Variants in MKS1 observed in about 807,000 individuals in gnomAD.
The protein encoded by MKS1 is tectonic-like complex member MKS1.
In MKS1, 70 loss-of-function variants were observed where a neutral mutation model predicts 83.7. The ratio of observed to expected loss-of-function variants is 0.84; its 90% CI spans 0.69 to 1.02. MKS1 has a LOEUF of 1.02. MKS1 is among the 50% of genes least tolerant of loss of function. The probability of loss-of-function intolerance (pLI) is 0.00; values close to 1 mark genes in which losing one functional copy is unlikely to be tolerated. For synonymous variants in MKS1, 251 were observed against 273.4 expected (o/e 0.92, Z 0.81); for missense variants, 681 against 726.9 (o/e 0.94, Z 0.73).
At chr17:58,217,173 G>C (rs898875196) in intron 2 of MKS1, among the ~76,000 whole-genome samples, 3 of 152,208 alleles carry the variant, frequency 2.0e-5, no homozygotes, top group Admixed American at 1.3e-4. Context: ...ATTATCAGTA[G>C]AGATGGAGTT....
chr17:58,211,729 ATTT>A, intron 9 of MKS1, among the ~76,000 whole-genome samples: 1 of 137,246 alleles, frequency 7.3e-6, no homozygotes, highest in Non-Finnish European at 1.5e-5. Flanking sequence ...TGCCTTGCTA[ATTT>A]TTTTTTTTTT....
rs1327805521 is a variant in MKS1, at chr17:58,207,903, C to T, written c.1264G>A (p.Ala422Thr). The T allele has an allele frequency of 1.2e-6, 2 of 1,613,882 alleles. No individual in the cohort carries two copies. Among genetic ancestry groups the T allele is most frequent in the Non-Finnish European group, 8.5e-7 (1 of 1,179,842 alleles). ...VEGYGAVVLP[A>T]TPGSHTLTVS... ...AGAGACGAGCGGTTACCTGGAGTGG[C>T]AGGCAGCACCACAGCCCCATAGCCT... The change falls in exon 14 of 18, where the codon GCC (alanine) becomes ACC (threonine). Residue 422 changes from alanine to threonine, a missense_variant. Physicochemically the swap from Ala to Thr is moderately conservative, Grantham distance 58. Coordinates refer to ENST00000393119, the MANE Select transcript of MKS1 (RefSeq NM_017777.4).
chr17:58,215,749 T>C (rs1254810555), intron 4 of MKS1: 2 of 348,432 alleles, frequency 5.7e-6, no homozygotes, highest in Admixed American at 3.9e-5. Context: ...TTTATCTATA[T>C]TGTTCCAGAC....
At chr17:58,207,451 T>C in intron 14 of MKS1, 1 of 606,176 alleles carries the variant, frequency 1.6e-6, no homozygotes, top group Non-Finnish European at 2.9e-6. Flanking sequence ...ACAGGTTTCT[T>C]AACCTCTCTG....
intron 6 of MKS1, 91 bp from the exon 7 acceptor site, chr17:58,213,960 G>A (rs1969036849): frequency 6.1e-6 from 7 of 1,149,088 alleles, no homozygotes; most frequent in Non-Finnish European, 9.1e-6. Flanking sequence ...AGAGAACAGA[G>A]GCTATAGGGA....
chr17:58,210,616 G>T, intron 11 of MKS1, 43 bp downstream of exon 11: 1 of 1,562,160 alleles, frequency 6.4e-7, no homozygotes, highest in South Asian at 1.1e-5. Context: ...CTCTAGATCT[G>T]TCTGAATGGG....
intron 4 of MKS1, 183 bp from the exon 5 acceptor site, chr17:58,215,021 C>A: frequency 1.2e-6 from 1 of 868,898 alleles, no homozygotes. Flanking sequence ...AGATTTCTAC[C>A]ACATCATGGT....
intron 5 of MKS1, 125 bp from the exon 6 acceptor site, chr17:58,214,512 C>T (rs967910607): frequency 6.1e-6 from 9 of 1,466,706 alleles, no homozygotes; most frequent in South Asian, 1.2e-5. Context: ...TTTTAAGAGC[C>T]AAAATATTTG....
Position 58,207,070 on chromosome 17 carries a change from A to G in MKS1, c.1407+15T>C. On this transcript the variant is annotated intron_variant, in intron 15 of 17. Transcript: ENST00000393119. ...TAAGTTCTCAGCGTGAAGTCACTCC[A>G]AAGACAAAAGTCACCTTGAAGGATC... is the stretch of plus-strand genomic sequence containing the variant. 6.2e-7 allele frequency: 1 copy of G among 1,614,206 alleles called. No homozygotes were observed. Among genetic ancestry groups the G allele is most frequent in the Non-Finnish European group, 8.5e-7 (1 of 1,180,026 alleles).
chr17:58,214,916 T>A, intron 4 of MKS1, 78 bp from the exon 5 acceptor site: 1 of 1,532,228 alleles, frequency 6.5e-7, no homozygotes, highest in Non-Finnish European at 8.7e-7. Flanking sequence ...GAAGTCTTCC[T>A]CCTGAAACCT....
At chr17:58,207,722 C>T in intron 14 of MKS1, 172 bp downstream of exon 14, 2 of 700,390 alleles carry the variant, frequency 2.9e-6, no homozygotes, top group South Asian at 1.6e-5. Flanking sequence ...AAGGCCACGT[C>T]ATTGTCGCTA....
chr17:58,212,995 C>A lies in MKS1; in HGVS notation c.845G>T (p.Arg282Leu). 5 of 1,614,120 alleles carry A rather than the reference C, an allele frequency of 3.1e-6. No individual in the cohort carries two copies. The highest frequency in any genetic ancestry group is 1.3e-5 in the African/African-American group (1 of 75,026). The change falls in exon 8 of 18, where the codon CGA becomes CTA. Residue 282 changes from arginine (R) to leucine (L), a missense_variant. Around this residue, in one of 3 missense-constraint regions of MKS1, gnomAD observed 365 missense variants for 383.8 expected, o/e 0.95. Coordinates refer to ENST00000393119, the MANE Select transcript of MKS1 (RefSeq NM_017777.4). ...ACTTGCGCTTACATCCTTGAACACT[C>A]GCCGTTCCCGCTCCTCCTCCTCCGG... ...AQPEEEERER[R>L]VFKDLYGRHK...
In MKS1 at chr17:58,218,768, C is replaced by A. The variant is rs1048410315; in HGVS notation, c.81-39G>T. ...CCCAAAATATTCGTTACCAGACACG[C>A]AACCAGGAGATGAACACAAAGCAAG... On this transcript the variant is annotated intron_variant, in intron 1 of 17. Transcript: ENST00000393119. The A allele has an allele frequency of 2.6e-6, 4 of 1,520,718 alleles. No individual in the cohort carries two copies. In the African/African-American group the frequency reaches 5.5e-5, roughly 21 times the overall value. The allele number at this position is 1,520,718 out of a possible 1,614,324, so 94.2% of individuals were successfully genotyped here.
intron 8 of MKS1, 94 bp from the exon 9 acceptor site, chr17:58,212,528 G>T (rs944220664): frequency 2.9e-6 from 4 of 1,387,744 alleles, no homozygotes; most frequent in Non-Finnish European, 4.1e-6. Flanking sequence ...TAGTGGGAAG[G>T]GTCAGCAAGA....
chr17:58,214,845 AAAGC>A lies in MKS1; in HGVS notation c.418-11_418-8del, dbSNP rs1969099798. 6.3e-7 allele frequency: 1 copy of A among 1,598,580 alleles called. No homozygotes were observed. The highest frequency in any genetic ancestry group is 8.5e-7 in the Non-Finnish European group (1 of 1,177,908). On this transcript the variant is annotated splice_polypyrimidine_tract_variant and splice_region_variant and intron_variant, in intron 4 of 17. Coordinates refer to ENST00000393119, the MANE Select transcript of MKS1 (RefSeq NM_017777.4). ...TGGTCATTCTCTGACAGTGCTGGGA[AAAGC>A]AAGCAGCCCTGTGTACGCCATCTGG...
intron 11 of MKS1, 41 bp from the exon 12 acceptor site, chr17:58,208,624 G>A: frequency 1.9e-6 from 3 of 1,556,470 alleles, no homozygotes; most frequent in Non-Finnish European, 2.7e-6. Flanking sequence ...CGCCTGGGAG[G>A]AAAGCAAGTC....
In MKS1 at chr17:58,216,310, A is replaced by ACT. The variant is rs1010238182; in HGVS notation, c.262-69_262-68dup. On this transcript the variant is annotated intron_variant, in intron 3 of 17. Coordinates refer to ENST00000393119, the MANE Select transcript of MKS1 (RefSeq NM_017777.4). Reference sequence around the variant, plus strand: ...AATACATCAAACTTTTGCTTCTGTAACTGTTTAATCAAATCAGTTCTACAG... The same window carrying ACT: ...AATACATCAAACTTTTGCTTCTGTAACTCTGTTTAATCAAATCAGTTCTACAG... The ACT allele has an allele frequency of 4.4e-5, 67 of 1,528,670 alleles. No individual in the cohort carries two copies. The African/African-American group carries it at 8.6e-4, about 20-fold the overall frequency. 94.7% of individuals were successfully genotyped at this position (1,528,670 alleles called of 1,614,324 possible).
rs373471917 is a variant in MKS1 at position 58,214,783 on chromosome 17, C to T, written c.473G>A (p.Arg158Gln). Residue 158 changes from arginine (R) to glutamine (Q), a missense_variant, in exon 5 of 18, where the codon CGA (arginine) becomes CAA (glutamine). Around this residue, in one of 3 missense-constraint regions of MKS1, gnomAD observed 365 missense variants for 383.8 expected, o/e 0.95. Transcript: ENST00000393119. Reference sequence around the variant, plus strand: ...CCGGCGACGCCTGACATTTGCCATTCGCTCGACCAAGAATGAAGGCACCTC... The same window carrying T: ...CCGGCGACGCCTGACATTTGCCATTTGCTCGACCAAGAATGAAGGCACCTC... ...ASEVPSFLVE[R>Q]MANVRRRRQD... 2.5e-6 allele frequency: 4 copies of T among 1,607,174 alleles called. No homozygotes were observed. Among genetic ancestry groups the T allele is most frequent in the Admixed American group, 1.7e-5 (1 of 59,986 alleles).
chr17:58,212,235 G>A (rs1190172418), intron 9 of MKS1, 143 bp downstream of exon 9: 4 of 968,492 alleles, frequency 4.1e-6, no homozygotes, highest in Admixed American at 3.6e-5. Flanking sequence ...ACATAACAAG[G>A]ACTATATGTG....
Sources: gnomAD v4.1 joint callset for allele counts (sites outside exome capture counted in the v4.1 genomes callset) on GRCh38, gnomAD v4.1.1 for gene constraint, gnomAD v4.1.1 regional missense constraint, MANE v1.5 for transcripts, NCBI Gene and HGNC (gene_info 2026-07-23, HGNC 2026-07-21) for gene names.